FAM193A: variants seen among roughly 807,000 people sequenced by gnomAD.
The protein encoded by FAM193A is protein FAM193A.
A neutral mutation model predicts 126.5 loss-of-function variants in FAM193A; 22 were observed. The ratio of observed to expected loss-of-function variants is 0.17; its 90% CI spans 0.12 to 0.25. The LOEUF (loss-of-function observed/expected upper bound fraction) is 0.25, where lower values mean the gene tolerates loss of function less well. Ranked by LOEUF, FAM193A falls within the 10% of genes least tolerant of loss-of-function variation. The pLI is 1.00. For missense variants in FAM193A, 1,675 were observed against 1,672.8 expected (o/e 1.00, Z -0.02); for synonymous variants, 761 against 646.8 (o/e 1.18, Z -2.68).
In FAM193A at chr4:2,732,086, T is replaced by C. The variant is rs891495622; in HGVS notation, c.*218T>C. On this transcript the variant is annotated 3_prime_UTR_variant, in exon 21 of 21. Transcript: ENST00000637812. ...TGAGACTCCTTCGATTGTAGCTCTG[T>C]GCTGTCGGATTGGAACAGTAGTTCC... 7.0e-6 allele frequency: 4 copies of C among 573,010 alleles called. No homozygotes were observed. Among genetic ancestry groups the C allele is most frequent in the African/African-American group, 1.9e-5 (1 of 53,360 alleles). The allele number at this position is 573,010 out of a possible 1,614,324, so 35.5% of individuals were successfully genotyped here.
chr4:2,549,849 T>G (rs1306025532), intron 1 of FAM193A, among the ~76,000 whole-genome samples: 1 of 151,922 alleles, frequency 6.6e-6, no homozygotes, highest in Non-Finnish European at 1.5e-5. Flanking sequence ...TGCCTCACCC[T>G]CCCAAGTAGC....
intron 20 of FAM193A, among the ~76,000 whole-genome samples, chr4:2,719,523 A>G (rs1403313509): frequency 1.3e-5 from 2 of 152,116 alleles, no homozygotes. Context: ...AGGCGGGCGG[A>G]TCACCTGAGG....
intron 1 of FAM193A, among the ~76,000 whole-genome samples, chr4:2,589,163 G>A (rs1007178097): frequency 1.3e-5 from 2 of 152,084 alleles, no homozygotes; most frequent in African/African-American, 2.4e-5. Context: ...CTTAAAACAC[G>A]GCAACTACAT....
chr4:2,540,358 C>T (rs1487856047), intron 1 of FAM193A, among the ~76,000 whole-genome samples: 2 of 152,176 alleles, frequency 1.3e-5, no homozygotes, highest in African/African-American at 2.4e-5. Context: ...GTCCCAGCTA[C>T]TCCGGAGGCT....
Position 2,619,372 on chromosome 4 carries a change from G to A in FAM193A, c.502-5890G>A, listed in dbSNP as rs369774700. Among the ~76,000 whole-genome samples, 12 of 151,588 alleles carry A rather than the reference G, an allele frequency of 7.9e-5. No individual in the cohort carries two copies. In the East Asian group the frequency reaches 9.7e-4, roughly 12 times the overall value. On this transcript the variant is annotated intron_variant, in intron 2 of 20. Coordinates refer to ENST00000637812, the MANE Select transcript of FAM193A (RefSeq NM_001366318.2). ...GGCTGGACTGCAGTGGTGTAATCTC[G>A]GCTCACTGCAACCTCCGCCTCCTGG...
intron 4 of FAM193A, among the ~76,000 whole-genome samples, chr4:2,630,566 T>TG (rs1743458870): frequency 6.6e-6 from 1 of 152,172 alleles, no homozygotes; most frequent in Non-Finnish European, 1.5e-5. Context: ...TGCTGAGAAG[T>TG]GGTAGCGTGC....
chr4:2,641,449 A>G (rs553826437), intron 6 of FAM193A, among the ~76,000 whole-genome samples: 2 of 151,870 alleles, frequency 1.3e-5, no homozygotes, highest in Non-Finnish European at 2.9e-5. Flanking sequence ...ACGAGGTCAG[A>G]TCAAGACCAT....
At chr4:2,629,807 G>A (rs1287468996) in intron 4 of FAM193A, among the ~76,000 whole-genome samples, 1 of 152,120 alleles carries the variant, frequency 6.6e-6, no homozygotes, top group Admixed American at 6.6e-5. Flanking sequence ...TTTAACCATA[G>A]CAATGCCAGT....
At chr4:2,731,156 A>G (rs1472391878) in intron 20 of FAM193A, among the ~76,000 whole-genome samples, 1 of 133,980 alleles carries the variant, frequency 7.5e-6, no homozygotes, top group Non-Finnish European at 1.5e-5. Context: ...AGATTGTGCC[A>G]TTGCACTCTA....
intron 7 of FAM193A, among the ~76,000 whole-genome samples, chr4:2,653,778 A>G (rs1745906696): frequency 6.6e-6 from 1 of 152,198 alleles, no homozygotes; most frequent in African/African-American, 2.4e-5. Flanking sequence ...CTTGTGAAGA[A>G]ACCATGAGAA....
chr4:2,664,062 T>G (rs568751416), intron 12 of FAM193A, among the ~76,000 whole-genome samples: 9 of 152,324 alleles, frequency 5.9e-5, no homozygotes, highest in East Asian at 1.9e-4. Context: ...TTAGGTAATA[T>G]AAATGTAACA....
intron 13 of FAM193A, among the ~76,000 whole-genome samples, chr4:2,687,767 A>G (rs1002891881): frequency 2.7e-4 from 41 of 152,260 alleles, no homozygotes; most frequent in African/African-American, 9.1e-4. Context: ...TGACCAAATC[A>G]TCTCACTCTG....
intron 1 of FAM193A, among the ~76,000 whole-genome samples, chr4:2,543,093 TC>T (rs998614542): frequency 4.6e-5 from 6 of 130,148 alleles, no homozygotes; most frequent in African/African-American, 1.5e-4. Context: ...AGTTTTCTTT[TC>T]TTTTTTTTTT....
intron 1 of FAM193A, among the ~76,000 whole-genome samples, chr4:2,564,319 G>T (rs1434742093): frequency 6.6e-6 from 1 of 152,024 alleles, no homozygotes; most frequent in East Asian, 1.9e-4. Flanking sequence ...CTGGGGTCGA[G>T]TAATTCTCCT....
intron 10 of FAM193A, 71 bp from the exon 11 acceptor site, chr4:2,662,767 C>A: frequency 1.7e-6 from 2 of 1,195,818 alleles, no homozygotes; most frequent in Non-Finnish European, 1.2e-6. Context: ...AATATCTGTG[C>A]TTAGTGGCTG....
chr4:2,643,087 G>T (rs1744796385), intron 6 of FAM193A, among the ~76,000 whole-genome samples: 2 of 152,054 alleles, frequency 1.3e-5, no homozygotes, highest in African/African-American at 4.8e-5. Context: ...GGACCCACAG[G>T]CAGTTGAGGG....
At chr4:2,591,316 GAC>G (rs1491231386) in intron 1 of FAM193A, among the ~76,000 whole-genome samples, 2 of 152,164 alleles carry the variant, frequency 1.3e-5, no homozygotes, top group Admixed American at 6.5e-5. Context: ...AGAACACACT[GAC>G]CAAGGGCCTG....
At chr4:2,630,841 C>T (rs1743490704) in intron 4 of FAM193A, 94 bp from the exon 5 acceptor site, 6 of 683,998 alleles carry the variant, frequency 8.8e-6, no homozygotes, top group Admixed American at 2.5e-5. Context: ...TAGAGGTGGC[C>T]ACCTGTGGAA....
At chr4:2,697,879 C>A (rs533150411) in intron 18 of FAM193A, among the ~76,000 whole-genome samples, 1 of 152,138 alleles carries the variant, frequency 6.6e-6, no homozygotes, top group Non-Finnish European at 1.5e-5. Context: ...GGCCCTGAGA[C>A]GTCCCATTGG....
Sources: allele counts gnomAD v4.1 joint callset (sites outside exome capture counted in the v4.1 genomes callset), GRCh38; gene constraint gnomAD v4.1.1; transcripts MANE v1.5; gene names NCBI Gene and HGNC (gene_info 2026-07-23, HGNC 2026-07-21).